Variants in XKR6 observed in about 807,000 individuals in gnomAD.
XKR6 encodes the protein XK-related protein 6.
In XKR6, 22 loss-of-function variants were observed where a neutral mutation model predicts 56.7. The observed-to-expected ratio is 0.39, with a 90% CI of 0.28 to 0.55. XKR6 has a LOEUF of 0.55. Ranked by LOEUF, XKR6 falls within the 20% of genes least tolerant of loss-of-function variation. The pLI is 0.66. For missense variants in XKR6, 852 were observed against 889.0 expected, an observed-to-expected ratio of 0.96 and a Z score of 0.53; for synonymous variants, 524 against 387.8, an observed-to-expected ratio of 1.35 and a Z score of -4.13.
rs573931799 is a variant in XKR6, at chr8:10,924,068, G to A, written c.961+566C>T. Among the ~76,000 whole-genome samples the A allele has an allele frequency of 2.0e-5, 3 of 152,272 alleles. No individual in the cohort carries two copies. The East Asian group carries it at 5.8e-4, about 29-fold the overall frequency. The stretch of plus-strand genomic sequence containing the variant: ...TCTTGCCCATGACATCCCTTCAAAT[G>A]TCACCCCATGTGTTGTTGCTTCCAG... On this transcript the variant is annotated intron_variant, in intron 2 of 2. Transcript: ENST00000416569.
intron 1 of XKR6, among the ~76,000 whole-genome samples, chr8:11,006,270 C>G (rs1412054787): frequency 6.6e-6 from 1 of 152,142 alleles, no homozygotes; most frequent in African/African-American, 2.4e-5. Context: ...CAGTTAGTGG[C>G]CTAGTAGGAC....
intron 1 of XKR6, among the ~76,000 whole-genome samples, chr8:11,158,972 T>C (rs1563182665): frequency 1.3e-5 from 2 of 152,192 alleles, no homozygotes; most frequent in Admixed American, 6.5e-5. Flanking sequence ...GTAGGACACG[T>C]GATTAAAAGT....
At chr8:11,183,727 G>A (rs1803116551) in intron 1 of XKR6, among the ~76,000 whole-genome samples, 1 of 152,132 alleles carries the variant, frequency 6.6e-6, no homozygotes, top group African/African-American at 2.4e-5. Flanking sequence ...CTTGAAAAGA[G>A]GTCCTAAGAT....
At chr8:11,099,567 C>T (rs578007515) in intron 1 of XKR6, among the ~76,000 whole-genome samples, 2 of 152,276 alleles carry the variant, frequency 1.3e-5, no homozygotes, top group East Asian at 3.9e-4. Flanking sequence ...CCTTTACTTT[C>T]TTTACTTCTA....
chr8:10,989,611 CT>C (rs1751265153), intron 1 of XKR6, among the ~76,000 whole-genome samples: 1 of 152,130 alleles, frequency 6.6e-6, no homozygotes, highest in Non-Finnish European at 1.5e-5. Flanking sequence ...CTGTAAGTTC[CT>C]TAGCCTCTTT....
chr8:11,022,708 C>T (rs972851452), intron 1 of XKR6, among the ~76,000 whole-genome samples: 4 of 152,208 alleles, frequency 2.6e-5, no homozygotes, highest in East Asian at 1.9e-4. Context: ...GGTTATCTTG[C>T]GCAAGGCCCT....
chr8:11,085,524 T>A (rs1390201141), intron 1 of XKR6, among the ~76,000 whole-genome samples: 4 of 152,050 alleles, frequency 2.6e-5, no homozygotes, highest in Non-Finnish European at 5.9e-5. Flanking sequence ...TTAATCCTCA[T>A]ACCAATCTCC....
At chr8:11,064,806 T>C (rs1193025085) in intron 1 of XKR6, among the ~76,000 whole-genome samples, 1 of 152,258 alleles carries the variant, frequency 6.6e-6, no homozygotes, top group Admixed American at 6.5e-5. Flanking sequence ...TGAATCTATG[T>C]ATCCCAGGTT....
In XKR6 at chr8:10,990,895, C is replaced by CTTTTTTT. The variant is rs59410799; in HGVS notation, c.765-66072_765-66066dup. Reference sequence around the variant, plus strand: ...ACCATGCCCGGCCACTGGGGAATGTCTTTTTTTTTTTTTTTTTTTTTTTTC... The same window carrying CTTTTTTT: ...ACCATGCCCGGCCACTGGGGAATGTCTTTTTTTTTTTTTTTTTTTTTTTTTTTTTTTC... On this transcript the variant is annotated intron_variant, in intron 1 of 2. Transcript: ENST00000416569. Among the ~76,000 whole-genome samples the CTTTTTTT allele has an allele frequency of 3.8e-4, 28 of 73,598 alleles. 4 individuals carry two copies. Among genetic ancestry groups the CTTTTTTT allele is most frequent in the African/African-American group, 1.7e-3 (28 of 16,874 alleles). The allele number at this position is 73,598 out of a possible 152,430, so 48.3% of individuals were successfully genotyped here. A position where few individuals can be genotyped will look rare whatever the true frequency, so the allele number is the denominator to read the frequency against.
chr8:11,132,672 C>T (rs1168837219), intron 1 of XKR6, among the ~76,000 whole-genome samples: 1 of 151,900 alleles, frequency 6.6e-6, no homozygotes, highest in Non-Finnish European at 1.5e-5. Flanking sequence ...AACTTTGTTA[C>T]TTAAAGTTCT....
At chr8:11,196,853 A>G (rs1302743417) in intron 1 of XKR6, among the ~76,000 whole-genome samples, 1 of 152,220 alleles carries the variant, frequency 6.6e-6, no homozygotes, top group East Asian at 1.9e-4. Context: ...AAAATAGTCA[A>G]CATGAACAAA....
intron 1 of XKR6, among the ~76,000 whole-genome samples, chr8:11,169,921 T>TA (rs1563190932): frequency 6.6e-6 from 1 of 152,068 alleles, no homozygotes; most frequent in African/African-American, 2.4e-5. Flanking sequence ...ATTTTTAATA[T>TA]AAAAAAGTGG....
At chr8:11,101,057 T>C (rs1798457930) in intron 1 of XKR6, among the ~76,000 whole-genome samples, 1 of 152,152 alleles carries the variant, frequency 6.6e-6, no homozygotes. Context: ...CTAAAACGCT[T>C]TGAAAAGCAT....
At chr8:11,026,756 A>C (rs1798876087) in intron 1 of XKR6, among the ~76,000 whole-genome samples, 1 of 151,158 alleles carries the variant, frequency 6.6e-6, no homozygotes, top group African/African-American at 2.4e-5. Context: ...CTAGCCTACT[A>C]CACATCTAGA....
rs61138077 is a variant in XKR6, at chr8:10,984,695, GCTCTCTCTCTCTCTCTCT to G, written c.765-59883_765-59866del. On this transcript the variant is annotated intron_variant, in intron 1 of 2. Transcript: ENST00000416569. ...AGTAACACAAAAGATAAAATACATG[GCTCTCTCTCTCTCTCTCT>G]CTCTCTCTCTCTCTCTCTCTATATA... Among the ~76,000 whole-genome samples, 4 of 56,334 alleles carry G rather than the reference GCTCTCTCTCTCTCTCTCT, an allele frequency of 7.1e-5. No homozygotes were observed. In the East Asian group the frequency reaches 1.4e-3, roughly 19 times the overall value. 37.0% of individuals were successfully genotyped at this position (56,334 alleles called of 152,430 possible).
chr8:10,972,221 A>C (rs1479252057), intron 1 of XKR6, among the ~76,000 whole-genome samples: 2 of 152,184 alleles, frequency 1.3e-5, no homozygotes, highest in Admixed American at 6.5e-5. Flanking sequence ...TTATCAGCCC[A>C]GCCTAAACAG....
At chr8:11,037,158 G>C (rs1334395123) in intron 1 of XKR6, among the ~76,000 whole-genome samples, 4 of 152,186 alleles carry the variant, frequency 2.6e-5, no homozygotes, top group Non-Finnish European at 5.9e-5. Context: ...TATAAGTTGA[G>C]CTGTTAAAAA....
chr8:10,928,226 T>G (rs1299067044), intron 1 of XKR6, among the ~76,000 whole-genome samples: 2 of 152,178 alleles, frequency 1.3e-5, no homozygotes, highest in East Asian at 3.9e-4. Flanking sequence ...AATCCAGGCC[T>G]GACCCCATGA....
intron 1 of XKR6, among the ~76,000 whole-genome samples, chr8:11,154,285 A>G (rs1388557114): frequency 6.6e-6 from 1 of 152,216 alleles, no homozygotes; most frequent in African/African-American, 2.4e-5. Context: ...ATGCTATCTC[A>G]GGAAGCTCTA....
Sources: gnomAD v4.1 joint callset for allele counts (sites outside exome capture counted in the v4.1 genomes callset) on GRCh38, gnomAD v4.1.1 for gene constraint, MANE v1.5 for transcripts, NCBI Gene and HGNC (gene_info 2026-07-23, HGNC 2026-07-21) for gene names.